PTPRS: variants seen among roughly 807,000 people sequenced by gnomAD.
PTPRS encodes protein tyrosine phosphatase receptor type S.
In PTPRS, 63 loss-of-function variants were observed where a neutral mutation model predicts 215.3. The ratio of observed to expected loss-of-function variants is 0.29; its 90% CI spans 0.24 to 0.36. The LOEUF is 0.36. Ranked by LOEUF, PTPRS falls within the 10% of genes least tolerant of loss-of-function variation. The pLI is 1.00. For synonymous variants in PTPRS, 1,404 were observed against 1,191.4 expected (o/e 1.18, Z -3.68); for missense variants, 2,258 against 2,825.8 (o/e 0.80, Z 4.56).
rs373655177 is a variant in PTPRS, at chr19:5,222,957, G to C, written c.2835C>G (p.Thr945=). The C allele has an allele frequency of 2.6e-6, 4 of 1,546,346 alleles. No homozygotes were observed. In the South Asian group the frequency reaches 4.7e-5, roughly 18 times the overall value. The part of the protein sequence containing the change: ...LEAAGNASAG[T]VLLRWLPPVP... ...CGGGTGGCAGCCAGCGGAGAAGGAC[G>C]GTCCCGGCCGAGGCGTTGCCGGCCG... The change falls in exon 18 of 38, where the codon ACC becomes ACG. Residue 945 remains threonine, a synonymous_variant. Coordinates refer to ENST00000262963, the MANE Select transcript of PTPRS (RefSeq NM_002850.4).
At chr19:5,266,830 C>CAA (rs2046436402) in intron 4 of PTPRS, among the ~76,000 whole-genome samples, 1 of 152,132 alleles carries the variant, frequency 6.6e-6, no homozygotes, top group Admixed American at 6.6e-5. Flanking sequence ...TCAAAGTCAT[C>CAA]AAGCCCCCTC....
In PTPRS at chr19:5,218,735, CCT is replaced by C; in HGVS notation, c.3935+50_3935+51del. 7 of 1,602,454 alleles carry C rather than the reference CCT, an allele frequency of 4.4e-6. No individual in the cohort carries two copies. The South Asian group carries it at 7.7e-5, about 18-fold the overall frequency. On this transcript the variant is annotated intron_variant, in intron 24 of 37. Coordinates refer to ENST00000262963, the MANE Select transcript of PTPRS (RefSeq NM_002850.4). ...CTGTGGGCACACTATCAGCCCATTC[CCT>C]GTCCTCTTCCTCTTGCCTGAAGCCT... is the stretch of plus-strand genomic sequence containing the variant.
At chr19:5,206,969 C>T in intron 37 of PTPRS, 127 bp from the exon 38 acceptor site, 1 of 747,848 alleles carries the variant, frequency 1.3e-6, no homozygotes, top group Non-Finnish European at 2.2e-6. Context: ...GTCTCTTTGG[C>T]CCCCACGGCC....
intron 36 of PTPRS, 61 bp from the exon 37 acceptor site, chr19:5,208,118 C>A: frequency 3.2e-6 from 5 of 1,584,620 alleles, no homozygotes; most frequent in Non-Finnish European, 4.3e-6. Context: ...CCTGATCTGA[C>A]CACCCGATTC....
chr19:5,208,078 A>G, intron 36 of PTPRS, 21 bp from the exon 37 acceptor site: 2 of 1,605,534 alleles, frequency 1.2e-6, no homozygotes. Context: ...TAAAGTGAGC[A>G]CAGCCATTCA....
chr19:5,272,364 G>A (rs2046980952), intron 4 of PTPRS, among the ~76,000 whole-genome samples: 1 of 151,970 alleles, frequency 6.6e-6, no homozygotes, highest in Non-Finnish European at 1.5e-5. Flanking sequence ...TTGGGAGGCT[G>A]AGGCAGGCGG....
At chr19:5,260,330 C>T (rs1436857588) in intron 7 of PTPRS, among the ~76,000 whole-genome samples, 2 of 152,096 alleles carry the variant, frequency 1.3e-5, no homozygotes, top group African/African-American at 4.8e-5. Context: ...CAGGCGCCCA[C>T]CACCATGCCC....
At chr19:5,305,671 G>A (rs913853576) in intron 1 of PTPRS, among the ~76,000 whole-genome samples, 7 of 151,584 alleles carry the variant, frequency 4.6e-5, no homozygotes, top group African/African-American at 1.7e-4. Context: ...TGAGGCTGCA[G>A]TGAGTGATGA....
chr19:5,296,871 C>T (rs1361107294), intron 1 of PTPRS, among the ~76,000 whole-genome samples: 2 of 152,044 alleles, frequency 1.3e-5, no homozygotes, highest in African/African-American at 4.8e-5. Context: ...CAGACATGCT[C>T]AGCTGCTGTG....
chr19:5,220,394 G>A (rs1275608715), intron 20 of PTPRS, 41 bp from the exon 21 acceptor site: 1 of 1,524,258 alleles, frequency 6.6e-7, no homozygotes, highest in African/African-American at 1.4e-5. Flanking sequence ...CTGTCGATAG[G>A]GATGACCAAG....
At chr19:5,277,057 GT>G (rs60512892) in intron 2 of PTPRS, among the ~76,000 whole-genome samples, 68,525 of 132,960 alleles carry the variant, frequency 0.52, 17,555 homozygotes, top group East Asian at 0.66. Context: ...TGAGTTTTGT[GT>G]TTTTTTTTTT....
At position 5,210,536 on chromosome 19, in the gene PTPRS, A is replaced by G; in HGVS notation, c.5420T>C (p.Val1807Ala). 1 of 1,614,122 alleles carries G rather than the reference A, an allele frequency of 6.2e-7. No homozygotes were observed. The highest frequency in any genetic ancestry group is 8.5e-7 in the Non-Finnish European group (1 of 1,180,016). Residue 1807 changes from valine to alanine, a missense_variant, in exon 35 of 38, where the codon GTA becomes GCA. By Grantham distance (64) the Val-to-Ala change is moderately conservative. Coordinates refer to ENST00000262963, the MANE Select transcript of PTPRS (RefSeq NM_002850.4). This position sits in a 1 kb window ranked among gnomAD's most constrained non-coding sequence, Gnocchi z 4.5. ...CATGTTGTATTCTGCCATCGGATCTACCACAAAGTACTGGTAGCGGGCAGA... is the reference window on the plus strand; with the variant it reads ...CATGTTGTATTCTGCCATCGGATCTGCCACAAAGTACTGGTAGCGGGCAGA... ...ERSARYQYFV[V>A]DPMAEYNMPQ... is the part of the protein sequence containing the mutation.
rs1459432471 is a variant in PTPRS, at chr19:5,215,326, G to C, written c.4281C>G (p.Ala1427=). 1 of 1,614,186 alleles carries C rather than the reference G, an allele frequency of 6.2e-7. No individual in the cohort carries two copies. Residue 1427 remains alanine (A), a synonymous_variant, in exon 28 of 38, where the codon GCC becomes GCG. Coordinates refer to ENST00000262963, the MANE Select transcript of PTPRS (RefSeq NM_002850.4). The stretch of plus-strand genomic sequence containing the variant: ...GGAGGATGACACGGGAGTGGTCATA[G>C]GCGATGACGTTGGCATAGCGGTTCT... The part of the protein sequence containing the change: ...KPKNRYANVI[A]YDHSRVILQP...
At chr19:5,315,521 A>ACTTGG (rs1041237759) in intron 1 of PTPRS, among the ~76,000 whole-genome samples, 1 of 148,546 alleles carries the variant, frequency 6.7e-6, no homozygotes, top group Middle Eastern at 3.5e-3. Context: ...ACACCATCAT[A>ACTTGG]CTTGGCTAAT....
At chr19:5,223,674 T>TGCCTCA (rs1038453753) in intron 17 of PTPRS, among the ~76,000 whole-genome samples, 7 of 150,580 alleles carry the variant, frequency 4.6e-5, no homozygotes, top group African/African-American at 1.7e-4. Context: ...GGGATTCTCC[T>TGCCTCA]GCCTCAGCCT....
At position 5,220,075 on chromosome 19, in the gene PTPRS, G is replaced by A; in HGVS notation, c.3629C>T (p.Ala1210Val). The change falls in exon 22 of 38, where the codon GCA (alanine) becomes GTA (valine). Residue 1210 changes from alanine (A) to valine (V), a missense_variant. Coordinates refer to ENST00000262963, the MANE Select transcript of PTPRS (RefSeq NM_002850.4). ...RQLEVPRPYI[A>V]ARFSVLPPTF... ...GGGTGGCAGCACAGAGAAGCGAGCT[G>A]CAATATAGGGCCGGGGCACCTCCAG... 1 of 1,613,962 alleles carries A rather than the reference G, an allele frequency of 6.2e-7. No individual in the cohort carries two copies. The highest frequency in any genetic ancestry group is 2.2e-5 in the East Asian group (1 of 44,880).
intron 4 of PTPRS, among the ~76,000 whole-genome samples, chr19:5,267,718 CG>C (rs2046536223): frequency 4.7e-5 from 7 of 149,060 alleles, no homozygotes; most frequent in East Asian, 2.0e-4. Flanking sequence ...CGTGCCCCCC[CG>C]CCCCCCCAAC....
chr19:5,336,800 G>A (rs1026462122), intron 1 of PTPRS, among the ~76,000 whole-genome samples: 1 of 151,712 alleles, frequency 6.6e-6, no homozygotes, highest in Non-Finnish European at 1.5e-5. Flanking sequence ...GTGGGGCGGC[G>A]GCGGGTGGTG....
intron 19 of PTPRS, 85 bp downstream of exon 19, chr19:5,222,038 C>A: frequency 8.7e-7 from 1 of 1,144,732 alleles, no homozygotes; most frequent in Non-Finnish European, 1.3e-6. Flanking sequence ...TCACTTCACA[C>A]CAACTCCAAA....
Sources: allele counts gnomAD v4.1 joint callset (sites outside exome capture counted in the v4.1 genomes callset), GRCh38; gene constraint gnomAD v4.1.1; non-coding constraint Gnocchi (gnomAD v3.1); transcripts MANE v1.5; gene names NCBI Gene and HGNC (gene_info 2026-07-23, HGNC 2026-07-21).